The following C1orf21 variants were observed in gnomAD, a reference collection of about 807,000 sequenced individuals.
C1orf21 encodes the protein uncharacterized protein C1orf21.
In C1orf21, 3 loss-of-function variants were observed where a neutral mutation model predicts 18.7. The ratio of observed to expected loss-of-function variants is 0.16; its 90% CI spans 0.07 to 0.42. The LOEUF is 0.42. Among genes scored for constraint, C1orf21 ranks in the 10% least tolerant of loss-of-function variants. The pLI is 0.99. For missense variants in C1orf21, 104 were observed against 143.6 expected (o/e 0.72, Z 1.41); for synonymous variants, 41 against 46.4 (o/e 0.88, Z 0.47).
intron 2 of C1orf21, among the ~76,000 whole-genome samples, chr1:184,493,079 C>T (rs181702748): frequency 6.6e-6 from 1 of 152,096 alleles, no homozygotes; most frequent in Non-Finnish European, 1.5e-5. Flanking sequence ...ATTTCTGTGG[C>T]TATAATATTA....
chr1:184,611,501 C>T (rs1571301496), intron 5 of C1orf21, among the ~76,000 whole-genome samples: 1 of 152,174 alleles, frequency 6.6e-6, no homozygotes, highest in African/African-American at 2.4e-5. Context: ...TCTAGCTAGT[C>T]GTGCACAGAT....
intron 1 of C1orf21, among the ~76,000 whole-genome samples, chr1:184,437,902 C>T (rs777504587): frequency 1.3e-5 from 2 of 151,966 alleles, no homozygotes; most frequent in Non-Finnish European, 2.9e-5. Context: ...CTAAGGAGCG[C>T]ACAACCTAGA....
At chr1:184,429,513 A>T (rs891230258) in intron 1 of C1orf21, among the ~76,000 whole-genome samples, 3 of 152,134 alleles carry the variant, frequency 2.0e-5, no homozygotes, top group African/African-American at 7.2e-5. Context: ...GTTTCCATGG[A>T]CACTGTGGAT....
intron 3 of C1orf21, among the ~76,000 whole-genome samples, chr1:184,509,171 A>C (rs921267120): frequency 2.6e-5 from 4 of 152,194 alleles, no homozygotes; most frequent in Non-Finnish European, 5.9e-5. Context: ...CTAGAACCAA[A>C]GAAGCAACAC....
intron 5 of C1orf21, among the ~76,000 whole-genome samples, chr1:184,600,027 C>T (rs1659566573): frequency 6.6e-6 from 1 of 152,148 alleles, no homozygotes; most frequent in African/African-American, 2.4e-5. Context: ...TTTGGACTTC[C>T]CCCCACTAGC....
chr1:184,391,045 A>C (rs559399327), intron 1 of C1orf21, among the ~76,000 whole-genome samples: 2 of 152,176 alleles, frequency 1.3e-5, no homozygotes, highest in African/African-American at 4.8e-5. Flanking sequence ...TGTAAATTAC[A>C]TACATACATA....
intron 1 of C1orf21, among the ~76,000 whole-genome samples, chr1:184,389,979 G>A (rs1226017964): frequency 6.6e-6 from 1 of 152,186 alleles, no homozygotes; most frequent in Admixed American, 6.5e-5. Context: ...AAGTACAGAG[G>A]TCTTGGGGTT....
intron 5 of C1orf21, among the ~76,000 whole-genome samples, chr1:184,600,534 G>A (rs986637467): frequency 1.4e-4 from 22 of 152,164 alleles, no homozygotes; most frequent in African/African-American, 5.1e-4. Flanking sequence ...GCTCCCACCT[G>A]AAATCTGAGA....
At chr1:184,491,424 A>G (rs1657815177) in intron 2 of C1orf21, among the ~76,000 whole-genome samples, 2 of 151,050 alleles carry the variant, frequency 1.3e-5, no homozygotes, top group Admixed American at 1.3e-4. Context: ...ATCCCAGCTC[A>G]TTGCAGCCTC....
intron 1 of C1orf21, among the ~76,000 whole-genome samples, chr1:184,458,458 T>C (rs1426011431): frequency 1.3e-5 from 2 of 152,228 alleles, no homozygotes; most frequent in Non-Finnish European, 2.9e-5. Flanking sequence ...AAAGGACTTT[T>C]ATCTAAGGGA....
chr1:184,511,297 C>T (rs183292735), intron 3 of C1orf21, among the ~76,000 whole-genome samples: 1 of 152,142 alleles, frequency 6.6e-6, no homozygotes, highest in Non-Finnish European at 1.5e-5. Context: ...CTTAGACAGT[C>T]AGATTATCTG....
chr1:184,442,188 G>C (rs1358623162), intron 1 of C1orf21, among the ~76,000 whole-genome samples: 1 of 152,140 alleles, frequency 6.6e-6, no homozygotes, highest in Non-Finnish European at 1.5e-5. Context: ...TATGTAAATT[G>C]CTTAGACCTT....
At chr1:184,523,451 T>C (rs1002282725) in intron 3 of C1orf21, among the ~76,000 whole-genome samples, 1 of 152,120 alleles carries the variant, frequency 6.6e-6, no homozygotes, top group Non-Finnish European at 1.5e-5. Flanking sequence ...TCCTGAAAAC[T>C]ATCAAGGTCA....
rs138632652 is a variant in C1orf21, at chr1:184,551,055, T to A, written c.190-39684T>A. The stretch of plus-strand genomic sequence containing the variant: ...ATATATAGTAAAGCTAAAAACAGTT[T>A]AGTGCCAGCATAGGAATCACATAGA... On this transcript the variant is annotated intron_variant, in intron 3 of 5. Coordinates refer to ENST00000235307, the MANE Select transcript of C1orf21 (RefSeq NM_030806.4). Among the ~76,000 whole-genome samples, 1,150 of 152,314 alleles carry A rather than the reference T, an allele frequency of 7.6e-3. 6 individuals are homozygous for A. The highest frequency in any genetic ancestry group is 0.02 in the Middle Eastern group (6 of 294).
chr1:184,417,024 A>G (rs1007980343), intron 1 of C1orf21, among the ~76,000 whole-genome samples: 4 of 152,158 alleles, frequency 2.6e-5, no homozygotes, highest in Non-Finnish European at 5.9e-5. Context: ...CTGAATGGGT[A>G]TTGCCTATGA....
At chr1:184,618,184 C>T (rs879579934) in intron 5 of C1orf21, among the ~76,000 whole-genome samples, 5 of 152,158 alleles carry the variant, frequency 3.3e-5, no homozygotes, top group Non-Finnish European at 5.9e-5. Context: ...TGCGGGATTA[C>T]AGGCGTGAGC....
intron 5 of C1orf21, among the ~76,000 whole-genome samples, chr1:184,601,794 A>T (rs1278547151): frequency 1.3e-5 from 2 of 152,042 alleles, no homozygotes; most frequent in Non-Finnish European, 2.9e-5. Context: ...TCAGCTACTC[A>T]GGAGGCTGAG....
intron 3 of C1orf21, among the ~76,000 whole-genome samples, chr1:184,543,776 TACA>T (rs1658691431): frequency 6.6e-6 from 1 of 152,230 alleles, no homozygotes; most frequent in Non-Finnish European, 1.5e-5. Context: ...GTAGGAGACT[TACA>T]ATGATTTCAG....
intron 3 of C1orf21, among the ~76,000 whole-genome samples, chr1:184,547,420 C>CTTTTTTTTTTTTT (rs34169321): frequency 2.5e-4 from 26 of 102,940 alleles, no homozygotes; most frequent in African/African-American, 6.6e-4. Context: ...TACATCCAGA[C>CTTTTTTTTTTTTT]TTTTTTTTTT....
Sources: gnomAD v4.1 joint callset for allele counts (sites outside exome capture counted in the v4.1 genomes callset) on GRCh38, gnomAD v4.1.1 for gene constraint, MANE v1.5 for transcripts, NCBI Gene and HGNC (gene_info 2026-07-23, HGNC 2026-07-21) for gene names.